The following PRKCH variants were observed in gnomAD, a reference collection of about 807,000 sequenced individuals.
The protein encoded by PRKCH is protein kinase C eta type.
Under a neutral mutation model 82.5 loss-of-function variants are expected in PRKCH, and 28 were observed. The observed-to-expected ratio is 0.34, with a 90% CI of 0.25 to 0.47. The LOEUF (loss-of-function observed/expected upper bound fraction) is 0.47. Ranked by LOEUF, PRKCH falls within the 20% of genes least tolerant of loss-of-function variation. PRKCH has a pLI of 1.00. For synonymous variants in PRKCH, 322 were observed against 327.4 expected, an observed-to-expected ratio of 0.98 and a Z score of 0.18; for missense variants, 705 against 881.8, an observed-to-expected ratio of 0.80 and a Z score of 2.54.
At chr14:61,223,261 CA>C (rs771628960) in intron 1 of PRKCH, among the ~76,000 whole-genome samples, 4 of 152,180 alleles carry the variant, frequency 2.6e-5, no homozygotes, top group Non-Finnish European at 5.9e-5. Flanking sequence ...AAGAAAAGAT[CA>C]TTTCCACCTT....
intron 1 of PRKCH, among the ~76,000 whole-genome samples, chr14:61,256,228 G>A (rs1345169032): frequency 6.6e-6 from 1 of 152,156 alleles, no homozygotes; most frequent in African/African-American, 2.4e-5. Flanking sequence ...AAGCTGACCA[G>A]GAATGCATTA....
intron 1 of PRKCH, among the ~76,000 whole-genome samples, chr14:61,272,041 C>T (rs904588064): frequency 4.0e-5 from 6 of 151,848 alleles, no homozygotes; most frequent in African/African-American, 7.3e-5. Flanking sequence ...CTGGTTAACA[C>T]GGTGAAACCC....
chr14:61,524,661 G>C (rs895070858), intron 10 of PRKCH, among the ~76,000 whole-genome samples: 9 of 152,188 alleles, frequency 5.9e-5, no homozygotes, highest in Non-Finnish European at 1.3e-4. Context: ...TCCCTTTAGA[G>C]TGGAAGCTGA....
chr14:61,288,542 G>C (rs540554455), intron 1 of PRKCH, among the ~76,000 whole-genome samples: 20 of 151,608 alleles, frequency 1.3e-4, no homozygotes, highest in African/African-American at 4.2e-4. Flanking sequence ...CCCATGGAGT[G>C]TTGTAGGGGC....
chr14:61,445,192 A>G (rs1884162127), intron 3 of PRKCH, among the ~76,000 whole-genome samples: 2 of 152,352 alleles, frequency 1.3e-5, no homozygotes, highest in Middle Eastern at 3.4e-3. Flanking sequence ...CCTGAAGGGC[A>G]TATTGTGGCA....
At chr14:61,460,877 A>G (rs1884998990) in intron 9 of PRKCH, among the ~76,000 whole-genome samples, 2 of 152,128 alleles carry the variant, frequency 1.3e-5, no homozygotes, top group African/African-American at 2.4e-5. Flanking sequence ...GTTTTCATAC[A>G]TTTCAGGGTC....
intron 12 of PRKCH, among the ~76,000 whole-genome samples, chr14:61,542,412 G>A (rs1260643537): frequency 3.3e-5 from 5 of 151,584 alleles, no homozygotes; most frequent in African/African-American, 1.2e-4. Context: ...TTGGTGGTAT[G>A]TGCCTATAAT....
At chr14:61,292,346 G>A (rs2045370896) in intron 1 of PRKCH, among the ~76,000 whole-genome samples, 1 of 151,916 alleles carries the variant, frequency 6.6e-6, no homozygotes, top group Non-Finnish European at 1.5e-5. Flanking sequence ...GCCGTGTATG[G>A]TAGTGCACAT....
intron 10 of PRKCH, among the ~76,000 whole-genome samples, chr14:61,487,830 C>CA (rs33953676): frequency 0.67 from 94,054 of 141,330 alleles, 32,157 homozygotes; most frequent in Non-Finnish European, 0.76. Flanking sequence ...CCTATCTCTA[C>CA]AAAAAAAAAA....
chr14:61,477,086 A>G (rs1265980430), intron 9 of PRKCH: 1 of 152,172 alleles, frequency 6.6e-6, no homozygotes, highest in African/African-American at 2.4e-5. Context: ...GTCTGAGAAA[A>G]ATAATAAAGC....
intron 7 of PRKCH, among the ~76,000 whole-genome samples, chr14:61,455,719 A>G (rs1371291186): frequency 1.3e-5 from 2 of 152,248 alleles, no homozygotes; most frequent in Non-Finnish European, 2.9e-5. Context: ...TGAATCAAGT[A>G]TCCTTAATCC....
At chr14:61,477,955 T>C (rs1377200782) in intron 9 of PRKCH, among the ~76,000 whole-genome samples, 1 of 152,152 alleles carries the variant, frequency 6.6e-6, no homozygotes, top group African/African-American at 2.4e-5. Context: ...CCGCCAGTCT[T>C]GGAGGTCTGT....
At chr14:61,476,004 T>C (rs1007621948) in intron 9 of PRKCH, among the ~76,000 whole-genome samples, 7 of 152,238 alleles carry the variant, frequency 4.6e-5, no homozygotes, top group Non-Finnish European at 1.0e-4. Context: ...TGTAATTAGT[T>C]TTATAAATAG....
intron 1 of PRKCH, among the ~76,000 whole-genome samples, chr14:61,300,911 A>G (rs185613851): frequency 1.3e-5 from 2 of 152,312 alleles, no homozygotes; most frequent in East Asian, 3.9e-4. Context: ...ATAAAAGATT[A>G]GGGTGGGGTG....
chr14:61,434,312 C>G (rs1883570110), intron 2 of PRKCH, among the ~76,000 whole-genome samples: 1 of 152,130 alleles, frequency 6.6e-6, no homozygotes, highest in Non-Finnish European at 1.5e-5. Flanking sequence ...GGTTGCACCT[C>G]CACATGATGC....
chr14:61,496,959 A>T (rs1402177418), intron 10 of PRKCH, among the ~76,000 whole-genome samples: 1 of 152,162 alleles, frequency 6.6e-6, no homozygotes, highest in Non-Finnish European at 1.5e-5. Flanking sequence ...TCTGGCCCAA[A>T]CCCATGATTT....
chr14:61,367,513 A>G (rs1421265019), intron 1 of PRKCH, among the ~76,000 whole-genome samples: 3 of 151,864 alleles, frequency 2.0e-5, no homozygotes, highest in Non-Finnish European at 4.4e-5. Context: ...TTCAGCACCC[A>G]GTAGGTAGGT....
intron 1 of PRKCH, among the ~76,000 whole-genome samples, chr14:61,331,628 T>G (rs1283374204): frequency 2.6e-5 from 4 of 152,158 alleles, no homozygotes; most frequent in Admixed American, 2.6e-4. Flanking sequence ...GAGAACTGGG[T>G]TCAAGCTGTG....
intron 2 of PRKCH, among the ~76,000 whole-genome samples, chr14:61,395,118 A>G (rs1357982499): frequency 1.3e-5 from 2 of 152,108 alleles, no homozygotes; most frequent in East Asian, 1.9e-4. Flanking sequence ...ATATTTTAGG[A>G]ACCCCATATC....
Sources: allele counts gnomAD v4.1 joint callset (sites outside exome capture counted in the v4.1 genomes callset), GRCh38; gene constraint gnomAD v4.1.1; transcripts MANE v1.5; gene names NCBI Gene and HGNC (gene_info 2026-07-23, HGNC 2026-07-21).